Variants in RIPOR2 observed in about 807,000 individuals in gnomAD.
RIPOR2 encodes RHO family interacting cell polarization regulator 2.
In RIPOR2, 39 loss-of-function variants were observed where a neutral mutation model predicts 114.5. The observed-to-expected ratio is 0.34, with a 90% CI of 0.26 to 0.44. The LOEUF is 0.44. RIPOR2 is among the 20% of genes least tolerant of loss of function. The pLI is 1.00. For synonymous variants in RIPOR2, 445 were observed against 484.4 expected, an observed-to-expected ratio of 0.92 and a Z score of 1.07; for missense variants, 1,007 against 1,255.1, an observed-to-expected ratio of 0.80 and a Z score of 2.99.
intron 1 of RIPOR2, among the ~76,000 whole-genome samples, chr6:25,031,570 T>TATAC (rs1415136059): frequency 1.3e-5 from 2 of 149,576 alleles, no homozygotes; most frequent in Non-Finnish European, 3.0e-5. Context: ...TATATATATA[T>TATAC]ATACATATAT....
chr6:24,842,301 A>G (rs961114936), intron 13 of RIPOR2, among the ~76,000 whole-genome samples: 3 of 152,106 alleles, frequency 2.0e-5, no homozygotes, highest in Admixed American at 2.0e-4. Context: ...TCTGATCCCT[A>G]TGGATTGAGG....
intron 19 of RIPOR2, among the ~76,000 whole-genome samples, chr6:24,823,844 C>T (rs1450372612): frequency 6.6e-6 from 1 of 152,158 alleles, no homozygotes; most frequent in Non-Finnish European, 1.5e-5. Context: ...GCAGCCTCCA[C>T]CTCCTGGGTT....
Position 24,842,966 on chromosome 6 carries a change from C to T in RIPOR2, c.1753G>A (p.Asp585Asn). 6.5e-7 allele frequency: 1 copy of T among 1,542,326 alleles called. No individual in the cohort carries two copies. The highest frequency in any genetic ancestry group is 8.7e-7 in the Non-Finnish European group (1 of 1,145,836). The change falls in exon 13 of 22, where the codon GAT becomes AAT. Residue 585 changes from aspartate (D) to asparagine (N), a missense_variant. By Grantham distance (23) the Asp-to-Asn change is conservative. Transcript: ENST00000643898. ...CRSFLDGSLE[D>N]AFNGLLLALE... ...GCAAGTAAAAGCCCATTAAAAGCAT[C>T]CTCTAAGCTTCCATCTAGAAAGGAT...
intron 1 of RIPOR2, among the ~76,000 whole-genome samples, chr6:24,978,679 G>A (rs757894103): frequency 5.9e-5 from 9 of 152,180 alleles, no homozygotes; most frequent in Non-Finnish European, 8.8e-5. Context: ...GACTGCCTAG[G>A]TTTGAATCCT....
intron 1 of RIPOR2, among the ~76,000 whole-genome samples, chr6:24,923,856 AAAATAAATAAAT>A (rs955846877): frequency 6.6e-6 from 1 of 152,030 alleles, no homozygotes; most frequent in Non-Finnish European, 1.5e-5. Context: ...TCAAAAAAAT[AAAATAAATAAAT>A]AAATAAATAA....
intron 1 of RIPOR2, among the ~76,000 whole-genome samples, chr6:24,963,401 A>AC (rs1561811266): frequency 6.6e-6 from 1 of 152,046 alleles, no homozygotes; most frequent in African/African-American, 2.4e-5. Flanking sequence ...CCACACCTAG[A>AC]AGAGGAAAAG....
At chr6:24,923,796 C>T (rs991092428) in intron 1 of RIPOR2, among the ~76,000 whole-genome samples, 3 of 151,780 alleles carry the variant, frequency 2.0e-5, no homozygotes, top group Non-Finnish European at 2.9e-5. Flanking sequence ...TGCAGAGAGC[C>T]GAGATAGCAC....
upstream of RIPOR2, among the ~76,000 whole-genome samples, chr6:24,940,697 G>A (rs1216137219): frequency 4.0e-5 from 6 of 151,820 alleles, no homozygotes; most frequent in Admixed American, 1.3e-4. Flanking sequence ...TCAGGCTGGC[G>A]TGCAGTGGCT....
At chr6:24,953,510 C>A (rs978687593) in intron 1 of RIPOR2, among the ~76,000 whole-genome samples, 5 of 152,190 alleles carry the variant, frequency 3.3e-5, no homozygotes, top group African/African-American at 1.2e-4. Flanking sequence ...AGGAAGAGAG[C>A]TCTCACCAGA....
chr6:24,999,558 CTT>C (rs34050235), intron 1 of RIPOR2, among the ~76,000 whole-genome samples: 60 of 137,666 alleles, frequency 4.4e-4, no homozygotes, highest in Non-Finnish European at 4.2e-4. Context: ...CTGACTCATC[CTT>C]TTTTTTTTTT....
At chr6:24,943,062 T>G (rs1772222109) in intron 1 of RIPOR2, among the ~76,000 whole-genome samples, 1 of 152,208 alleles carries the variant, frequency 6.6e-6, no homozygotes, top group Non-Finnish European at 1.5e-5. Flanking sequence ...TGCAGCACTA[T>G]TCACAGTACC....
At chr6:24,886,891 C>T (rs1443742919) in intron 1 of RIPOR2, among the ~76,000 whole-genome samples, 2 of 152,206 alleles carry the variant, frequency 1.3e-5, no homozygotes, top group Non-Finnish European at 2.9e-5. Context: ...ATTGATGTCT[C>T]CTGCCCAAAT....
At chr6:25,025,737 AC>A (rs1225380707) in intron 1 of RIPOR2, among the ~76,000 whole-genome samples, 1 of 152,260 alleles carries the variant, frequency 6.6e-6, no homozygotes, top group Non-Finnish European at 1.5e-5. Flanking sequence ...TGCATATTCA[AC>A]ACAACTTTGG....
chr6:24,965,628 T>C (rs1252867073), intron 1 of RIPOR2, among the ~76,000 whole-genome samples: 1 of 152,194 alleles, frequency 6.6e-6, no homozygotes, highest in African/African-American at 2.4e-5. Flanking sequence ...ATGCCTGAAG[T>C]CTTTGTGGGT....
intron 1 of RIPOR2, among the ~76,000 whole-genome samples, chr6:24,887,354 C>G (rs1279490316): frequency 6.6e-6 from 1 of 152,156 alleles, no homozygotes; most frequent in Non-Finnish European, 1.5e-5. Flanking sequence ...AGGCTTCACC[C>G]AAGTCACCTG....
chr6:24,972,159 G>A (rs955198002), intron 1 of RIPOR2, among the ~76,000 whole-genome samples: 1 of 152,194 alleles, frequency 6.6e-6, no homozygotes, highest in African/African-American at 2.4e-5. Context: ...ATGTAACAGG[G>A]TAAAGAAAAA....
chr6:24,828,158 G>C lies in RIPOR2; in HGVS notation c.2644C>G (p.Leu882Val). Reference protein sequence around the residue: ...SHGVSDLESYLSQLARQVSMV... With the variant: ...SHGVSDLESYVSQLARQVSMV... ...CCACCTTGCCTGGCCAGCTGGCTCA[G>C]GTAACTCTCCAGGTCACTGACGCCG... The change falls in exon 18 of 22, where the codon CTG becomes GTG. Residue 882 changes from leucine to valine, a missense_variant. Physicochemically the swap from Leu to Val is conservative, Grantham distance 32. Transcript: ENST00000643898. 1 of 1,548,990 alleles carries C rather than the reference G, an allele frequency of 6.5e-7. No individual in the cohort carries two copies. Among genetic ancestry groups the C allele is most frequent in the Non-Finnish European group, 8.7e-7 (1 of 1,145,464 alleles).
chr6:24,994,473 G>A (rs1386085973), intron 1 of RIPOR2, among the ~76,000 whole-genome samples: 3 of 152,194 alleles, frequency 2.0e-5, no homozygotes, highest in Non-Finnish European at 4.4e-5. Flanking sequence ...CCATTTGCAG[G>A]TAAAGTGGTG....
chr6:25,005,716 TATATATATATATATATATATATATAC>T (rs1775526170), intron 1 of RIPOR2, among the ~76,000 whole-genome samples: 1 of 102,234 alleles, frequency 9.8e-6, no homozygotes, highest in African/African-American at 2.9e-5. Flanking sequence ...TATATATATA[TATATATATATATATATATATATATAC>T]ATTTACCGAT....
Sources: allele counts gnomAD v4.1 joint callset (sites outside exome capture counted in the v4.1 genomes callset), GRCh38; gene constraint gnomAD v4.1.1; transcripts MANE v1.5; gene names NCBI Gene and HGNC (gene_info 2026-07-23, HGNC 2026-07-21).